The following CADM1 variants were observed in gnomAD, a reference collection of about 807,000 sequenced individuals.
CADM1 encodes TSLC-1.
In CADM1, 15 loss-of-function variants were observed where a neutral mutation model predicts 53.1. The observed-to-expected ratio is 0.28, with a 90% confidence interval of 0.19 to 0.44. The LOEUF is 0.44. Ranked by LOEUF, CADM1 falls within the 20% of genes least tolerant of loss-of-function variation. CADM1 has a pLI of 1.00. For missense variants in CADM1, 434 were observed against 611.3 expected (o/e 0.71, Z 3.06); for synonymous variants, 281 against 243.0 (o/e 1.16, Z -1.45).
chr11:115,220,129 T>A (rs1941350570), intron 5 of CADM1, among the ~76,000 whole-genome samples: 1 of 152,162 alleles, frequency 6.6e-6, no homozygotes. Flanking sequence ...AGAAGCAGAA[T>A]GCTTGCTGGC....
At chr11:115,223,124 C>A (rs559641968) in intron 5 of CADM1, among the ~76,000 whole-genome samples, 1 of 152,132 alleles carries the variant, frequency 6.6e-6, no homozygotes, top group African/African-American at 2.4e-5. Flanking sequence ...TCTCCTTCCA[C>A]CTTTACTACT....
chr11:115,176,981 G>A (rs1246728264), intron 11 of CADM1, among the ~76,000 whole-genome samples: 1 of 152,190 alleles, frequency 6.6e-6, no homozygotes, highest in Non-Finnish European at 1.5e-5. Flanking sequence ...ACCAAAGCAA[G>A]GAAGAGCAAT....
chr11:115,221,169 C>T (rs1216024621), intron 5 of CADM1, among the ~76,000 whole-genome samples: 1 of 152,108 alleles, frequency 6.6e-6, no homozygotes, highest in African/African-American at 2.4e-5. Context: ...CTCAGAATGG[C>T]TTAATGTCAT....
At chr11:115,202,946 T>C in intron 8 of CADM1, among the ~76,000 whole-genome samples, 1 of 152,106 alleles carries the variant, frequency 6.6e-6, no homozygotes, top group East Asian at 1.9e-4. Context: ...TTTCTCCTGG[T>C]TTCCTGGCTA....
chr11:115,176,201 T>G lies in CADM1; in HGVS notation c.*273A>C, dbSNP rs1939019659. ...AGGCACAGAATTTTCTGCAATCTAC[T>G]GAAACTAAATCCAAGTATCCAAGTT... On this transcript the variant is annotated 3_prime_UTR_variant, in exon 12 of 12. Transcript: ENST00000331581. 1.6e-6 allele frequency: 2 copies of G among 1,217,214 alleles called. No individual in the cohort carries two copies. The highest frequency in any genetic ancestry group is 2.1e-6 in the Non-Finnish European group (2 of 963,280). The allele number at this position is 1,217,214 out of a possible 1,614,324, so 75.4% of individuals were successfully genotyped here. A position where few individuals can be genotyped will look rare whatever the true frequency, so the allele number is the denominator to read the frequency against.
chr11:115,219,425 G>A (rs372544957), intron 5 of CADM1, among the ~76,000 whole-genome samples: 3 of 152,076 alleles, frequency 2.0e-5, no homozygotes, highest in African/African-American at 7.2e-5. Flanking sequence ...GAGCCCCCTT[G>A]TTCACCCACC....
chr11:115,189,225 G>A (rs1417934248), intron 10 of CADM1, among the ~76,000 whole-genome samples: 2 of 152,188 alleles, frequency 1.3e-5, no homozygotes, highest in Non-Finnish European at 2.9e-5. Flanking sequence ...TGATAGAACT[G>A]CAGCAGGGAC....
At chr11:115,476,475 C>T (rs913947431) in intron 1 of CADM1, among the ~76,000 whole-genome samples, 3 of 151,922 alleles carry the variant, frequency 2.0e-5, no homozygotes, top group Admixed American at 1.3e-4. Context: ...AGGTGGAAAC[C>T]CTTTGTTACT....
At chr11:115,380,399 A>AGT (rs1260722199) in intron 1 of CADM1, among the ~76,000 whole-genome samples, 2 of 152,174 alleles carry the variant, frequency 1.3e-5, no homozygotes, top group Non-Finnish European at 2.9e-5. Flanking sequence ...ACCATCCATC[A>AGT]GTGTACGTGA....
intron 5 of CADM1, among the ~76,000 whole-genome samples, chr11:115,220,905 C>T (rs1306981248): frequency 1.3e-5 from 2 of 152,200 alleles, no homozygotes; most frequent in Non-Finnish European, 2.9e-5. Context: ...AAATACCAAA[C>T]AATCCAGATG....
chr11:115,325,204 C>T (rs1450666300), intron 1 of CADM1, among the ~76,000 whole-genome samples: 1 of 152,164 alleles, frequency 6.6e-6, no homozygotes, highest in Non-Finnish European at 1.5e-5. Context: ...TAGATTATCT[C>T]CCCAGAGGGC....
chr11:115,342,347 G>A (rs1945470377), intron 1 of CADM1, among the ~76,000 whole-genome samples: 1 of 152,126 alleles, frequency 6.6e-6, no homozygotes, highest in South Asian at 2.1e-4. Context: ...AGTAATACAC[G>A]ATGTAGTATC....
At position 115,384,606 on chromosome 11, in the gene CADM1, C is replaced by T. The variant is rs1387375712; in HGVS notation, c.124+119665G>A. ...ATCAAGTTTGAAGAACACAGGGATG[C>T]CAGTACCTCTCTAGAGGATTAGCCA... On this transcript the variant is annotated intron_variant, in intron 1 of 11. Coordinates refer to ENST00000331581, the MANE Select transcript of CADM1 (RefSeq NM_001301043.2). Among the ~76,000 whole-genome samples the T allele has an allele frequency of 2.0e-5, 3 of 152,140 alleles. No individual in the cohort carries two copies. The East Asian group carries it at 5.8e-4, about 29-fold the overall frequency.
chr11:115,223,027 C>T (rs73572150), intron 5 of CADM1, among the ~76,000 whole-genome samples: 1,588 of 152,062 alleles, frequency 0.01, 24 homozygotes, highest in African/African-American at 0.034. Flanking sequence ...GGGACTGGCA[C>T]ACAGTAAGCA....
chr11:115,179,722 CT>C (rs879893964), intron 10 of CADM1, among the ~76,000 whole-genome samples: 14 of 148,278 alleles, frequency 9.4e-5, no homozygotes, highest in East Asian at 2.0e-4. Flanking sequence ...AAACCATTGT[CT>C]TTTTTTTTTA....
At chr11:115,382,104 C>T (rs1946594305) in intron 1 of CADM1, among the ~76,000 whole-genome samples, 1 of 152,088 alleles carries the variant, frequency 6.6e-6, no homozygotes, top group Non-Finnish European at 1.5e-5. Flanking sequence ...CTCGGCCTCC[C>T]AAAGTGCTGG....
At chr11:115,456,233 G>T (rs1271772224) in intron 1 of CADM1, among the ~76,000 whole-genome samples, 1 of 151,878 alleles carries the variant, frequency 6.6e-6, no homozygotes, top group African/African-American at 2.4e-5. Context: ...GCAATTACTT[G>T]CATACTTACC....
chr11:115,259,904 T>G (rs1297374852), intron 1 of CADM1, among the ~76,000 whole-genome samples: 1 of 152,190 alleles, frequency 6.6e-6, no homozygotes, highest in African/African-American at 2.4e-5. Flanking sequence ...ATCTCTGAGA[T>G]AATGGCTCTT....
rs553728443 is a variant in CADM1, at chr11:115,357,619, T to C, written c.125-117199A>G. Among the ~76,000 whole-genome samples the C allele has an allele frequency of 4.0e-4, 61 of 152,300 alleles. No homozygotes were observed. In the South Asian group the frequency reaches 0.012, roughly 31 times the overall value. ...AAGCTCTGTTTTCTTTTCTGTAAAA[T>C]GGGGATAACAAAATTGCCTTTCCCA... On this transcript the variant is annotated intron_variant, in intron 1 of 11. Transcript: ENST00000331581.
Sources: gnomAD v4.1 joint callset for allele counts (sites outside exome capture counted in the v4.1 genomes callset) on GRCh38, gnomAD v4.1.1 for gene constraint, MANE v1.5 for transcripts, NCBI Gene and HGNC (gene_info 2026-07-23, HGNC 2026-07-21) for gene names.